Variants in NOL10 observed in about 807,000 individuals in gnomAD.
NOL10 encodes nucleolar protein 10.
NOL10 carries 58 observed loss-of-function variants against 103.5 expected under a neutral mutation model. The observed-to-expected ratio is 0.56, with a 90% confidence interval of 0.45 to 0.70. The LOEUF is 0.70. Among genes scored for constraint, NOL10 ranks in the 30% least tolerant of loss-of-function variants. The probability of loss-of-function intolerance (pLI) is 0.00; values close to 1 mark genes in which losing one functional copy is unlikely to be tolerated. For missense variants in NOL10, 763 were observed against 807.3 expected (o/e 0.95, Z 0.67); for synonymous variants, 287 against 282.5 (o/e 1.02, Z -0.16).
intron 14 of NOL10, among the ~76,000 whole-genome samples, chr2:10,605,749 T>C (rs933412893): frequency 6.6e-6 from 1 of 152,170 alleles, no homozygotes; most frequent in Non-Finnish European, 1.5e-5. Context: ...GAAAATTACG[T>C]TGGAGACACT....
intron 3 of NOL10, among the ~76,000 whole-genome samples, chr2:10,676,118 C>G (rs1681287903): frequency 6.6e-6 from 1 of 152,140 alleles, no homozygotes; most frequent in Non-Finnish European, 1.5e-5. Context: ...AAAATACATG[C>G]AAACAATGAA....
intron 1 of NOL10, among the ~76,000 whole-genome samples, chr2:10,686,556 C>A (rs544611350): frequency 6.6e-6 from 1 of 152,238 alleles, no homozygotes; most frequent in South Asian, 2.1e-4. Flanking sequence ...TTACTGATAA[C>A]AGACTGTGGA....
Position 10,599,085 on chromosome 2 carries a change from G to GC in NOL10, c.1422+1767_1422+1768insG, listed in dbSNP as rs374388970. ...CCTCAGCAAAGGTCTACAAAGAAAT[G>GC]GGGGGAAGGGAAGGGCACTTCTGCA... On this transcript the variant is annotated intron_variant, in intron 17 of 20. Transcript: ENST00000381685. Among the ~76,000 whole-genome samples, 5 of 31,894 alleles carry GC rather than the reference G, an allele frequency of 1.6e-4. No individual in the cohort carries two copies. The East Asian group carries it at 4.9e-3, about 31-fold the overall frequency. 20.9% of individuals were successfully genotyped at this position (31,894 alleles called of 152,430 possible). A position where few individuals can be genotyped will look rare whatever the true frequency, so the allele number is the denominator to read the frequency against.
At chr2:10,584,055 C>A (rs953560520) in intron 19 of NOL10, among the ~76,000 whole-genome samples, 1 of 152,184 alleles carries the variant, frequency 6.6e-6, no homozygotes, top group African/African-American at 2.4e-5. Flanking sequence ...TGTAGGAAGG[C>A]ACCCCCAACC....
chr2:10,641,579 C>G (rs568701980), intron 13 of NOL10, among the ~76,000 whole-genome samples: 1 of 152,276 alleles, frequency 6.6e-6, no homozygotes, highest in South Asian at 2.1e-4. Context: ...TTATAAAATG[C>G]AGAAAATACC....
intron 20 of NOL10, among the ~76,000 whole-genome samples, chr2:10,574,000 T>G (rs1273936887): frequency 7.1e-6 from 1 of 141,728 alleles, no homozygotes; most frequent in African/African-American, 2.9e-5. Flanking sequence ...TTCAGTCCTG[T>G]GCTTACTGAA....
intron 3 of NOL10, among the ~76,000 whole-genome samples, chr2:10,677,745 T>C (rs1380333202): frequency 6.6e-6 from 1 of 152,070 alleles, no homozygotes; most frequent in Non-Finnish European, 1.5e-5. Context: ...AGTGCTGGAA[T>C]TACAGGCGTG....
At chr2:10,656,753 C>T (rs575948644) in intron 11 of NOL10, among the ~76,000 whole-genome samples, 2 of 152,298 alleles carry the variant, frequency 1.3e-5, no homozygotes, top group South Asian at 2.1e-4. Context: ...GACTTCATCA[C>T]AAATGGGAAT....
intron 1 of NOL10, among the ~76,000 whole-genome samples, chr2:10,685,660 T>C (rs1023741784): frequency 1.3e-5 from 2 of 152,016 alleles, no homozygotes; most frequent in Admixed American, 6.6e-5. Context: ...AAGTCAAAAG[T>C]GTGATGGAGC....
At chr2:10,589,792 C>T (rs1267666238) in intron 17 of NOL10, 41 bp from the exon 18 acceptor site, 8 of 1,269,202 alleles carry the variant, frequency 6.3e-6, no homozygotes, top group Non-Finnish European at 8.4e-6. Flanking sequence ...AAGTTAATAT[C>T]TGACTAAAAT....
chr2:10,598,420 A>G (rs1382035040), intron 17 of NOL10, among the ~76,000 whole-genome samples: 1 of 152,242 alleles, frequency 6.6e-6, no homozygotes, highest in Admixed American at 6.5e-5. Context: ...AATGTGAATC[A>G]AATTTAAAGG....
intron 13 of NOL10, among the ~76,000 whole-genome samples, chr2:10,624,559 T>C (rs1401330097): frequency 4.0e-5 from 6 of 150,430 alleles, no homozygotes; most frequent in Admixed American, 6.6e-5. Flanking sequence ...GTAACAAAAG[T>C]CCAGGAAAAA....
rs139180024 is a variant in NOL10, at chr2:10,658,109, G to T, written c.757-218C>A. ...ATGAATTCAACCCCAAGATTAATTTGTAAGAGCTACTGAACATACTAAGAA... is the reference window on the plus strand; with the variant it reads ...ATGAATTCAACCCCAAGATTAATTTTTAAGAGCTACTGAACATACTAAGAA... On this transcript the variant is annotated intron_variant, in intron 10 of 20. Transcript: ENST00000381685. 2.5e-3 allele frequency among the ~76,000 whole-genome samples: 383 copies of T among 152,264 alleles called. 2 individuals carry two copies. The highest frequency in any genetic ancestry group is 8.2e-3 in the African/African-American group (339 of 41,550).
At chr2:10,683,767 T>C (rs1558357868) in intron 2 of NOL10, among the ~76,000 whole-genome samples, 1 of 152,188 alleles carries the variant, frequency 6.6e-6, no homozygotes, top group Non-Finnish European at 1.5e-5. Context: ...CTGTGCTAAG[T>C]GTCCCCAGGA....
At chr2:10,637,041 A>C (rs1678281443) in intron 13 of NOL10, among the ~76,000 whole-genome samples, 2 of 152,148 alleles carry the variant, frequency 1.3e-5, no homozygotes, top group Admixed American at 1.3e-4. Flanking sequence ...ATGTCTACTA[A>C]AAATACAAAA....
intron 13 of NOL10, among the ~76,000 whole-genome samples, chr2:10,619,518 T>A (rs1174815373): frequency 6.6e-6 from 1 of 152,174 alleles, no homozygotes; most frequent in Non-Finnish European, 1.5e-5. Flanking sequence ...ATAAAACATA[T>A]CTGTTAAAGT....
At chr2:10,655,971 C>T (rs753954995) in intron 11 of NOL10, among the ~76,000 whole-genome samples, 1 of 151,908 alleles carries the variant, frequency 6.6e-6, no homozygotes, top group Non-Finnish European at 1.5e-5. Flanking sequence ...AGAGGGGAAA[C>T]CAGGAAGCAA....
chr2:10,609,313 C>T (rs375211765), intron 13 of NOL10, among the ~76,000 whole-genome samples: 15 of 150,710 alleles, frequency 1.0e-4, no homozygotes, highest in Admixed American at 6.0e-4. Flanking sequence ...CATGGCCGGG[C>T]GCGGTGGCTC....
At chr2:10,609,431 CAAAAA>C (rs60104799) in intron 13 of NOL10, among the ~76,000 whole-genome samples, 3 of 111,588 alleles carry the variant, frequency 2.7e-5, no homozygotes, top group African/African-American at 3.7e-5. Flanking sequence ...ACTAAAAATA[CAAAAA>C]AAAAAAAAAA....
Sources: allele counts gnomAD v4.1 joint callset (sites outside exome capture counted in the v4.1 genomes callset), GRCh38; gene constraint gnomAD v4.1.1; transcripts MANE v1.5; gene names NCBI Gene and HGNC (gene_info 2026-07-23, HGNC 2026-07-21).